Variants in KLHL1 observed in about 807,000 individuals in gnomAD.
The protein encoded by KLHL1 is kelch like family member 1, also known as kelch-like protein 1.
Under a neutral mutation model 77.7 loss-of-function variants are expected in KLHL1, and 47 were observed. The observed-to-expected ratio is 0.60, with a 90% CI of 0.48 to 0.77. KLHL1 has a LOEUF of 0.77. Among genes scored for constraint, KLHL1 ranks in the 30% least tolerant of loss-of-function variants. The pLI is 0.00. For missense variants in KLHL1, 925 were observed against 910.8 expected (o/e 1.02, Z -0.20); for synonymous variants, 360 against 325.2 (o/e 1.11, Z -1.15).
chr13:69,939,563 T>C lies in KLHL1; in HGVS notation c.1014+477A>G, dbSNP rs545021785. On this transcript the variant is annotated intron_variant, in intron 4 of 10. Coordinates refer to ENST00000377844, the MANE Select transcript of KLHL1 (RefSeq NM_020866.3). The stretch of plus-strand genomic sequence containing the variant: ...GGAAGTGAATGTACAAAGGTAGATA[T>C]GCCTGGGGCAATTTTGAAAATCAGT... Among the ~76,000 whole-genome samples, 8 of 151,916 alleles carry C rather than the reference T, an allele frequency of 5.3e-5. No homozygotes were observed. The East Asian group carries it at 9.7e-4, about 18-fold the overall frequency.
rs548191230 is a variant in KLHL1, at chr13:69,775,070, G to A, written c.1639+21668C>T. ...GAGCTAACAGGAAAAAAATACCAAT[G>A]CGTTTTTTAAAGTCGTTTCCTGGGA... On this transcript the variant is annotated intron_variant, in intron 7 of 10. Transcript: ENST00000377844. Among the ~76,000 whole-genome samples the A allele has an allele frequency of 7.2e-5, 11 of 152,214 alleles. No individual in the cohort carries two copies. The South Asian group carries it at 2.3e-3, about 32-fold the overall frequency.
intron 1 of KLHL1, among the ~76,000 whole-genome samples, chr13:70,046,315 T>C (rs564866524): frequency 1.3e-4 from 20 of 152,296 alleles, no homozygotes; most frequent in African/African-American, 3.6e-4. Flanking sequence ...ATTTTAATCC[T>C]CATACTTCCT....
At chr13:70,030,227 C>T (rs992962156) in intron 1 of KLHL1, among the ~76,000 whole-genome samples, 1 of 152,130 alleles carries the variant, frequency 6.6e-6, no homozygotes, top group African/African-American at 2.4e-5. Context: ...TTGAACTCAG[C>T]TCTGCACCAA....
At chr13:69,741,086 A>G (rs188039444) in intron 7 of KLHL1, among the ~76,000 whole-genome samples, 1 of 152,262 alleles carries the variant, frequency 6.6e-6, no homozygotes, top group Admixed American at 6.5e-5. Flanking sequence ...TGGTTTCCCA[A>G]AAAGGTTAAA....
chr13:69,872,147 G>A (rs2138177219), intron 5 of KLHL1, among the ~76,000 whole-genome samples: 1 of 152,258 alleles, frequency 6.6e-6, no homozygotes, highest in Middle Eastern at 3.4e-3. Flanking sequence ...ACCTGCCTCT[G>A]GTGAGAGCCT....
At chr13:69,764,691 C>T (rs1455584622) in intron 7 of KLHL1, among the ~76,000 whole-genome samples, 2 of 152,004 alleles carry the variant, frequency 1.3e-5, no homozygotes, top group East Asian at 3.9e-4. Flanking sequence ...CCAAGAACAT[C>T]AGCATCATTT....
intron 7 of KLHL1, among the ~76,000 whole-genome samples, chr13:69,750,871 C>A (rs1039094026): frequency 2.0e-5 from 3 of 152,044 alleles, no homozygotes; most frequent in Middle Eastern, 6.8e-3. Context: ...ATTGAAATCA[C>A]CTGGGAACCT....
intron 7 of KLHL1, among the ~76,000 whole-genome samples, chr13:69,785,071 T>G (rs1483882748): frequency 6.6e-6 from 1 of 151,254 alleles, no homozygotes; most frequent in Non-Finnish European, 1.5e-5. Context: ...TTTTTGTATT[T>G]TTAGTAGAGA....
At chr13:69,928,563 T>C (rs1169533382) in intron 4 of KLHL1, among the ~76,000 whole-genome samples, 1 of 152,210 alleles carries the variant, frequency 6.6e-6, no homozygotes, top group Admixed American at 6.5e-5. Context: ...AAATGAGGCA[T>C]ATCTATACAA....
chr13:69,781,211 T>C (rs1034366244), intron 7 of KLHL1, among the ~76,000 whole-genome samples: 5 of 151,848 alleles, frequency 3.3e-5, no homozygotes, highest in Non-Finnish European at 7.4e-5. Flanking sequence ...TTCCTCTACC[T>C]TTCCTGAAAA....
In KLHL1 at chr13:69,701,710, GCTTGATGA is replaced by G. The variant is rs1336805828; in HGVS notation, c.2231_2238del (p.Val744AlafsTer6). 1.9e-6 allele frequency: 3 copies of G among 1,606,852 alleles called. No individual in the cohort carries two copies. Among genetic ancestry groups the G allele is most frequent in the Non-Finnish European group, 2.6e-6 (3 of 1,175,272 alleles). On this transcript the variant is annotated frameshift_variant, in exon 11 of 11. Coordinates refer to ENST00000377844, the MANE Select transcript of KLHL1 (RefSeq NM_020866.3). LOFTEE classifies it high-confidence loss of function. The stretch of plus-strand genomic sequence containing the variant: ...AGTAAAATATCAATAAGTCAAGGTT[GCTTGATGA>G]CTACCACACAGGCACCTGCTCTCCC...
intron 1 of KLHL1, among the ~76,000 whole-genome samples, chr13:69,992,871 T>C (rs955360948): frequency 3.3e-5 from 5 of 151,900 alleles, no homozygotes; most frequent in Admixed American, 1.3e-4. Context: ...ATAGTCAATA[T>C]GAGATAATGT....
rs1555291456 is a variant in KLHL1, at chr13:70,024,626, C to CTCTCTCTCTCTTTCTCTCTT, written c.498-48825_498-48824insAAGAGAGAAAGAGAGAGAGA. ...AGGGGTGAGGAGAAAAGATTTCTCT[C>CTCTCTCTCTCTTTCTCTCTT]TCTCTCTCTCTCTCTCTCTCTCTCT... On this transcript the variant is annotated intron_variant, in intron 1 of 10. Coordinates refer to ENST00000377844, the MANE Select transcript of KLHL1 (RefSeq NM_020866.3). 5.9e-4 allele frequency among the ~76,000 whole-genome samples: 38 copies of CTCTCTCTCTCTTTCTCTCTT among 64,608 alleles called. 4 individuals carry two copies. The highest frequency in any genetic ancestry group is 1.1e-3 in the South Asian group (3 of 2,656). 42.4% of individuals were successfully genotyped at this position (64,608 alleles called of 152,430 possible).
At position 69,944,695 on chromosome 13, in the gene KLHL1, T is replaced by C. The variant is rs182621928; in HGVS notation, c.818-4459A>G. 2.6e-5 allele frequency among the ~76,000 whole-genome samples: 4 copies of C among 152,310 alleles called. No homozygotes were observed. The East Asian group carries it at 7.7e-4, about 29-fold the overall frequency. On this transcript the variant is annotated intron_variant, in intron 3 of 10. Transcript: ENST00000377844. ...ACATTTAGAATCCCAGTAGACTTTC[T>C]GTGAAAATTGCAAAACTGATTATAA...
chr13:69,941,757 C>T (rs1447592336), intron 3 of KLHL1, among the ~76,000 whole-genome samples: 1 of 151,836 alleles, frequency 6.6e-6, no homozygotes, highest in Non-Finnish European at 1.5e-5. Context: ...TCCAAATAAA[C>T]TCAATTAGAA....
At chr13:69,952,256 A>C (rs1441015856) in intron 3 of KLHL1, among the ~76,000 whole-genome samples, 1 of 151,498 alleles carries the variant, frequency 6.6e-6, no homozygotes, top group South Asian at 2.1e-4. Flanking sequence ...AAAACACATG[A>C]AAATAATCAA....
intron 4 of KLHL1, among the ~76,000 whole-genome samples, chr13:69,898,840 A>G (rs1004638265): frequency 2.6e-5 from 4 of 152,144 alleles, no homozygotes; most frequent in East Asian, 3.9e-4. Flanking sequence ...CAAGGATTCA[A>G]TGCCACATGT....
intron 1 of KLHL1, among the ~76,000 whole-genome samples, chr13:70,057,346 C>T (rs1472337949): frequency 2.6e-5 from 4 of 151,170 alleles, no homozygotes. Context: ...CTGATTTCTA[C>T]AAAACCTTTA....
chr13:69,811,619 C>T (rs2138062900), intron 6 of KLHL1, among the ~76,000 whole-genome samples: 1 of 152,048 alleles, frequency 6.6e-6, no homozygotes, highest in East Asian at 1.9e-4. Context: ...TACTGGAAGT[C>T]CTGGCTAGAG....
Sources: gnomAD v4.1 joint callset for allele counts (sites outside exome capture counted in the v4.1 genomes callset) on GRCh38, gnomAD v4.1.1 for gene constraint, MANE v1.5 for transcripts, NCBI Gene and HGNC (gene_info 2026-07-23, HGNC 2026-07-21) for gene names.